ZHX2: variants seen among roughly 807,000 people sequenced by gnomAD.
ZHX2 encodes the protein zinc fingers and homeoboxes 2, also known as zinc fingers and homeoboxes protein 2.
A neutral mutation model predicts 21.9 loss-of-function variants in ZHX2; 6 were observed. The observed-to-expected ratio is 0.27, with a 90% CI of 0.15 to 0.54. The LOEUF is 0.54. Among genes scored for constraint, ZHX2 ranks in the 20% least tolerant of loss-of-function variants. The probability of loss-of-function intolerance (pLI) is 0.95; values close to 1 mark genes in which losing one functional copy is unlikely to be tolerated. For synonymous variants in ZHX2, 434 were observed against 437.1 expected, an observed-to-expected ratio of 0.99 and a Z score of 0.09; for missense variants, 908 against 1,090.7, an observed-to-expected ratio of 0.83 and a Z score of 2.36.
intron 3 of ZHX2, among the ~76,000 whole-genome samples, chr8:122,969,760 C>A (rs1000623629): frequency 4.6e-5 from 7 of 152,170 alleles, no homozygotes; most frequent in African/African-American, 1.7e-4. Flanking sequence ...TAATCAATCA[C>A]TCTCTCAGTG....
intron 3 of ZHX2, among the ~76,000 whole-genome samples, chr8:122,968,170 C>T (rs922556552): frequency 5.9e-5 from 9 of 152,156 alleles, no homozygotes; most frequent in African/African-American, 2.2e-4. Context: ...AAATACAATT[C>T]CATTTGCTCT....
At chr8:122,804,085 T>A (rs185345038) in intron 1 of ZHX2, among the ~76,000 whole-genome samples, 1 of 152,320 alleles carries the variant, frequency 6.6e-6, no homozygotes, top group African/African-American at 2.4e-5. Context: ...TCTTTCATTT[T>A]TGTCATTTAT....
chr8:122,968,429 A>T (rs188889320), intron 3 of ZHX2, among the ~76,000 whole-genome samples: 2 of 152,330 alleles, frequency 1.3e-5, no homozygotes, highest in East Asian at 1.9e-4. Flanking sequence ...TTTGTCATCC[A>T]CTGGGAAGTT....
At chr8:122,949,050 C>T (rs985871667) in intron 2 of ZHX2, among the ~76,000 whole-genome samples, 3 of 152,172 alleles carry the variant, frequency 2.0e-5, no homozygotes, top group Admixed American at 6.5e-5. Context: ...TAGGGCCAGA[C>T]GCAGTGGCTC....
chr8:122,813,722 T>A (rs973619332), intron 1 of ZHX2, among the ~76,000 whole-genome samples: 7 of 152,144 alleles, frequency 4.6e-5, no homozygotes, highest in African/African-American at 1.7e-4. Context: ...AATGCAAAGA[T>A]CCAAAAAATG....
chr8:122,869,264 C>T (rs1157105468), intron 2 of ZHX2, among the ~76,000 whole-genome samples: 2 of 152,156 alleles, frequency 1.3e-5, no homozygotes, highest in Admixed American at 6.5e-5. Context: ...AATCCTATCC[C>T]ACCCTCCCAT....
chr8:122,877,933 C>T (rs932938059), intron 2 of ZHX2, among the ~76,000 whole-genome samples: 3 of 152,052 alleles, frequency 2.0e-5, no homozygotes, highest in Non-Finnish European at 4.4e-5. Context: ...TTAAAATATA[C>T]GTTGGATTTT....
chr8:122,806,105 A>G (rs1586580103), intron 1 of ZHX2, among the ~76,000 whole-genome samples: 1 of 152,330 alleles, frequency 6.6e-6, no homozygotes, highest in Non-Finnish European at 1.5e-5. Flanking sequence ...ACACATGACT[A>G]TAATTGCCTT....
chr8:122,965,756 C>T (rs1813572170), intron 3 of ZHX2, among the ~76,000 whole-genome samples: 1 of 152,028 alleles, frequency 6.6e-6, no homozygotes, highest in African/African-American at 2.4e-5. Flanking sequence ...GTGTTGAAGT[C>T]CCCACTATTA....
intron 2 of ZHX2, among the ~76,000 whole-genome samples, chr8:122,947,092 CAAAAAAAAA>C (rs57090731): frequency 3.0e-5 from 2 of 67,312 alleles, no homozygotes; most frequent in African/African-American, 1.2e-4. Flanking sequence ...CCTGTCTTTG[CAAAAAAAAA>C]AAAAAAAAAA....
At position 122,972,509 on chromosome 8, in the gene ZHX2, A is replaced by G. The variant is rs1278526603; in HGVS notation, c.*5-733A>G. On this transcript the variant is annotated intron_variant, in intron 3 of 3. Coordinates refer to ENST00000314393, the MANE Select transcript of ZHX2 (RefSeq NM_014943.5). ...AAACTTATTAGGCCCCTATATGTTC[A>G]GTTTCCTCAACTGTAAAATAAGAAT... is the stretch of plus-strand genomic sequence containing the variant. Among the ~76,000 whole-genome samples, 4 of 152,312 alleles carry G rather than the reference A, an allele frequency of 2.6e-5. 1 individual carries two copies. The South Asian group carries it at 6.2e-4, about 24-fold the overall frequency.
At chr8:122,847,212 T>A (rs1818771202) in intron 1 of ZHX2, among the ~76,000 whole-genome samples, 1 of 152,126 alleles carries the variant, frequency 6.6e-6, no homozygotes, top group African/African-American at 2.4e-5. Flanking sequence ...CCTTGTGAAA[T>A]TCTTCCGTCC....
In ZHX2 at chr8:122,787,238, CT is replaced by C. The variant is rs530003852; in HGVS notation, c.-283+5293del. Among the ~76,000 whole-genome samples, 246 of 152,312 alleles carry C rather than the reference CT, an allele frequency of 1.6e-3. 1 individual carries two copies. Among genetic ancestry groups the C allele is most frequent in the African/African-American group, 5.3e-3 (221 of 41,562 alleles). ...TCTTGCTGATACCTCTCTTTCCCCCCTGGTAGACAATATTTACCTGTTAAAA... is the reference window on the plus strand; with the variant it reads ...TCTTGCTGATACCTCTCTTTCCCCCCGGTAGACAATATTTACCTGTTAAAA... On this transcript the variant is annotated intron_variant, in intron 1 of 3. Transcript: ENST00000314393.
At chr8:122,880,667 C>G (rs1819691590) in intron 2 of ZHX2, among the ~76,000 whole-genome samples, 1 of 151,614 alleles carries the variant, frequency 6.6e-6, no homozygotes, top group South Asian at 2.1e-4. Flanking sequence ...CCCAGCTATT[C>G]AGGAGGCAGA....
At chr8:122,817,257 C>A (rs1212350151) in intron 1 of ZHX2, among the ~76,000 whole-genome samples, 1 of 152,228 alleles carries the variant, frequency 6.6e-6, no homozygotes, top group East Asian at 1.9e-4. Context: ...GTGCTTTCCA[C>A]ACCCTCCTTA....
At position 122,887,037 on chromosome 8, in the gene ZHX2, G is replaced by A. The variant is rs548088910; in HGVS notation, c.-220+23498G>A. ...ACTGCAGGGCTTATGTACCTGACAC[G>A]GTGCTCTGCCACCGTGTGTGTGTGT... On this transcript the variant is annotated intron_variant, in intron 2 of 3. Transcript: ENST00000314393. Among the ~76,000 whole-genome samples, 15 of 147,082 alleles carry A rather than the reference G, an allele frequency of 1.0e-4. No homozygotes were observed. The South Asian group carries it at 2.0e-3, about 19-fold the overall frequency.
chr8:122,838,573 A>ATT (rs34833602), intron 1 of ZHX2, among the ~76,000 whole-genome samples: 1,563 of 117,894 alleles, frequency 0.013, 64 homozygotes, highest in East Asian at 0.036. Flanking sequence ...TAGTAATGTG[A>ATT]TTTTTTTTTT....
At chr8:122,922,951 G>A (rs1165152408) in intron 2 of ZHX2, among the ~76,000 whole-genome samples, 1 of 152,190 alleles carries the variant, frequency 6.6e-6, no homozygotes, top group Admixed American at 6.5e-5. Flanking sequence ...TGCAAAGGGG[G>A]CAGTTCAGCC....
chr8:122,787,874 G>A (rs773524820), intron 1 of ZHX2, among the ~76,000 whole-genome samples: 2 of 152,194 alleles, frequency 1.3e-5, no homozygotes, highest in African/African-American at 4.8e-5. Context: ...CTAAGTTAAG[G>A]AGGAAGTGGC....
Sources: gnomAD v4.1 joint callset for allele counts (sites outside exome capture counted in the v4.1 genomes callset) on GRCh38, gnomAD v4.1.1 for gene constraint, MANE v1.5 for transcripts, NCBI Gene and HGNC (gene_info 2026-07-23, HGNC 2026-07-21) for gene names.